The following DDX17 variants were observed in gnomAD, a reference collection of about 807,000 sequenced individuals.
DDX17 encodes probable ATP-dependent RNA helicase DDX17.
In DDX17, 10 loss-of-function variants were observed where a neutral mutation model predicts 80.8. That is an observed-to-expected ratio of 0.12 (90% CI 0.08 to 0.21). The LOEUF is 0.21. DDX17 is among the 10% of genes least tolerant of loss of function. The pLI, the probability that DDX17 is intolerant of heterozygous loss-of-function variation, is 1.00. For missense variants in DDX17, 586 were observed against 957.4 expected (o/e 0.61, Z 5.12); for synonymous variants, 339 against 336.2 (o/e 1.01, Z -0.09).
In DDX17 at chr22:38,486,308, C is replaced by A. The variant is rs775013990; in HGVS notation, c.1817G>T (p.Ser606Ile). The A allele has an allele frequency of 2.4e-5, 39 of 1,614,076 alleles. No homozygotes were observed. The highest frequency in any genetic ancestry group is 3.1e-5 in the Non-Finnish European group (36 of 1,180,046). Residue 606 changes from serine (S) to isoleucine (I), a missense_variant, in exon 13 of 13, where the codon AGT (serine) becomes ATT (isoleucine). Ser to Ile is a moderately radical substitution (Grantham distance 142, BLOSUM62 -2). This residue lies in a region of DDX17 where 221 missense variants were observed against 261.4 expected (regional missense o/e 0.85). Coordinates refer to ENST00000403230, the MANE Select transcript of DDX17 (RefSeq NM_006386.5). ...AGCATAACCAGCTCTATCGGTTTCA[C>A]TACGATCCCGATAGCTTGCAGAGTC...
intron 2 of DDX17, 32 bp downstream of exon 2, chr22:38,501,098 A>G: frequency 6.2e-7 from 1 of 1,606,010 alleles, no homozygotes; most frequent in Non-Finnish European, 8.5e-7. Flanking sequence ...TGGTTCAATA[A>G]TCTGTACATT....
intron 1 of DDX17, among the ~76,000 whole-genome samples, chr22:38,504,772 C>T (rs145936586): frequency 3.9e-4 from 60 of 152,316 alleles, no homozygotes; most frequent in African/African-American, 1.2e-3. Context: ...CTATTACATC[C>T]ATTATCTCTT....
At chr22:38,488,589 T>C (rs1225324841) in intron 11 of DDX17, 10 of 989,996 alleles carry the variant, frequency 1.0e-5, no homozygotes, top group Middle Eastern at 5.2e-4. Context: ...TTTAAACCAG[T>C]CACAGAGCAA....
At chr22:38,500,978 A>AG (rs1382190332) in intron 2 of DDX17, 152 bp downstream of exon 2, 6 of 1,098,032 alleles carry the variant, frequency 5.5e-6, no homozygotes, top group Non-Finnish European at 7.4e-6. Flanking sequence ...AAAAAGGAAA[A>AG]AAAAAAAAAA....
At chr22:38,494,547 C>T in intron 8 of DDX17, 83 bp downstream of exon 8, 1 of 1,307,590 alleles carries the variant, frequency 7.6e-7, no homozygotes, top group Non-Finnish European at 1.1e-6. Context: ...TCAAAATATA[C>T]TGGTTTCTAC....
rs116834010 is a variant in DDX17, at chr22:38,488,569, C to G, written c.1448-454G>C. The G allele has an allele frequency of 5.2e-4, 522 of 995,368 alleles. 2 individuals are homozygous for G. The African/African-American group carries it at 8.6e-3, about 16-fold the overall frequency. The allele number at this position is 995,368 out of a possible 1,614,324, so 61.7% of individuals were successfully genotyped here. A position where few individuals can be genotyped will look rare whatever the true frequency, so the allele number is the denominator to read the frequency against. On this transcript the variant is annotated intron_variant, in intron 11 of 12. Coordinates refer to ENST00000403230, the MANE Select transcript of DDX17 (RefSeq NM_006386.5). The stretch of plus-strand genomic sequence containing the variant: ...CTGGCAAAATCTACCAACAACATAA[C>G]AAACTTACCTTTAAACCAGTCACAG...
At chr22:38,492,504 G>C (rs1420646932) in intron 10 of DDX17, among the ~76,000 whole-genome samples, 4 of 151,650 alleles carry the variant, frequency 2.6e-5, no homozygotes, top group Non-Finnish European at 1.5e-5. Flanking sequence ...TCTTTTTTTT[G>C]AGATGGAGTT....
intron 1 of DDX17, 22 bp downstream of exon 1, chr22:38,505,929 T>C: frequency 6.7e-7 from 1 of 1,484,074 alleles, no homozygotes; most frequent in Non-Finnish European, 9.1e-7. Context: ...GCCAGGCCTC[T>C]CCTCTCCTCC....
Position 38,488,066 on chromosome 22 carries a change from T to C in DDX17, c.1497A>G (p.Ser499=), listed in dbSNP as rs1424657270. ...GGCCAATACGGTGCACATAATCCTC[T>C]GAGCTGTTTGGATAGTCATAGTTGA... is the stretch of plus-strand genomic sequence containing the variant. Residue 499 remains serine (S), a synonymous_variant, in exon 12 of 13, where the codon TCA becomes TCG. Coordinates refer to ENST00000403230, the MANE Select transcript of DDX17 (RefSeq NM_006386.5). The C allele has an allele frequency of 1.2e-6, 2 of 1,614,064 alleles. No individual in the cohort carries two copies. The highest frequency in any genetic ancestry group is 2.7e-5 in the African/African-American group (2 of 74,924).
At position 38,494,800 on chromosome 22, in the gene DDX17, A is replaced by G; in HGVS notation, c.1044T>C (p.Pro348=). The G allele has an allele frequency of 6.2e-7, 1 of 1,614,138 alleles. No homozygotes were observed. The highest frequency in any genetic ancestry group is 8.5e-7 in the Non-Finnish European group (1 of 1,180,016). ...CACTCCACATCAGTGTCTGCCTATC[A>G]GGCTATCAAAAAAGGAAAGGCTTTC... The change falls in exon 8 of 13, where the codon CCT becomes CCC. Residue 348 remains proline, a splice_region_variant and synonymous_variant. Transcript: ENST00000403230.
At chr22:38,492,886 A>G (rs932276107) in intron 10 of DDX17, among the ~76,000 whole-genome samples, 5 of 152,252 alleles carry the variant, frequency 3.3e-5, no homozygotes, top group Non-Finnish European at 7.3e-5. Context: ...ATGCTAAAAT[A>G]TGACTCATTA....
chr22:38,504,629 A>G (rs2089861684), intron 1 of DDX17, among the ~76,000 whole-genome samples: 1 of 152,218 alleles, frequency 6.6e-6, no homozygotes, highest in South Asian at 2.1e-4. Flanking sequence ...ATAAGGTATA[A>G]ATCAAAATAA....
chr22:38,487,435 A>G (rs1657771004), intron 12 of DDX17, among the ~76,000 whole-genome samples: 1 of 152,324 alleles, frequency 6.6e-6, no homozygotes, highest in African/African-American at 2.4e-5. Context: ...CCAGGCCAAC[A>G]TGGTGAAACT....
Position 38,506,085 on chromosome 22 carries a change from T to TGGCGGCGGCGCCTCCGCTGTTGG in DDX17, c.130_152dup (p.Ser52GlnfsTer81). The TGGCGGCGGCGCCTCCGCTGTTGG allele has an allele frequency of 6.3e-7, 1 of 1,579,156 alleles. No individual in the cohort carries two copies. The highest frequency in any genetic ancestry group is 8.6e-7 in the Non-Finnish European group (1 of 1,163,302). On this transcript the variant is annotated frameshift_variant, in exon 1 of 13. Coordinates refer to ENST00000403230, the MANE Select transcript of DDX17 (RefSeq NM_006386.5). LOFTEE classifies it high-confidence loss of function. ...GCGGCTCCGGTCTGGTGACGACCGA[T>TGGCGGCGGCGCCTCCGCTGTTGG]GGCGGCGGCGCCTCCGCTGTTGGGG...
At chr22:38,495,129 C>A in intron 6 of DDX17, 83 bp from the exon 7 acceptor site, 2 of 1,399,680 alleles carry the variant, frequency 1.4e-6, no homozygotes, top group Non-Finnish European at 1.9e-6. Flanking sequence ...GAAGAGGAGG[C>A]GGGAAGATCG....
chr22:38,499,300 A>T, intron 3 of DDX17, 100 bp downstream of exon 3: 7 of 880,264 alleles, frequency 8.0e-6, no homozygotes, highest in Non-Finnish European at 1.3e-5. Flanking sequence ...TTGTCCTTTC[A>T]ACAAAACCCC....
rs1268763571 is a variant in DDX17, at chr22:38,505,957, C to T, written c.281G>A (p.Arg94His). Residue 94 changes from arginine (R) to histidine (H), a missense_variant, in exon 1 of 13, where the codon CGT (arginine) becomes CAT (histidine). By Grantham distance (29) the Arg-to-His change is conservative. Coordinates refer to ENST00000403230, the MANE Select transcript of DDX17 (RefSeq NM_006386.5). ...TCTCCTCCCCCACCCTTACCCTCCA[C>T]GGTCACGATCCCGGTCCCGGTCCCC... 5 of 1,578,692 alleles carry T rather than the reference C, an allele frequency of 3.2e-6. No individual in the cohort carries two copies. The African/African-American group carries it at 4.1e-5, about 13-fold the overall frequency.
At chr22:38,504,259 T>C (rs2089858394) in intron 1 of DDX17, among the ~76,000 whole-genome samples, 1 of 152,220 alleles carries the variant, frequency 6.6e-6, no homozygotes, top group South Asian at 2.1e-4. Context: ...CTGTGACTTA[T>C]CCACATTAAT....
rs1169297183 is a variant in DDX17 at position 38,497,312 on chromosome 22, A to AG, written c.738+772_738+773insC. 3.4e-5 allele frequency among the ~76,000 whole-genome samples: 5 copies of AG among 145,100 alleles called. No homozygotes were observed. The East Asian group carries it at 1.0e-3, about 30-fold the overall frequency. ...AACTCCATCTCAAAAAAAAAAAAAA[A>AG]AAAAAAAAAAGTACACATTCAATGC... On this transcript the variant is annotated intron_variant, in intron 5 of 12. Coordinates refer to ENST00000403230, the MANE Select transcript of DDX17 (RefSeq NM_006386.5).
Sources: gnomAD v4.1 joint callset for allele counts (sites outside exome capture counted in the v4.1 genomes callset) on GRCh38, gnomAD v4.1.1 for gene constraint, gnomAD v4.1.1 regional missense constraint, MANE v1.5 for transcripts, NCBI Gene and HGNC (gene_info 2026-07-23, HGNC 2026-07-21) for gene names.